NHSL2: variants seen among roughly 807,000 people sequenced by gnomAD.
NHSL2 encodes the protein NHS like 2, also known as NHS-like protein 2.
In NHSL2, 27 loss-of-function variants were observed where a neutral mutation model predicts 53.4. The ratio of observed to expected loss-of-function variants is 0.51; its 90% CI spans 0.37 to 0.70. The LOEUF is 0.70. Ranked by LOEUF, NHSL2 falls within the 30% of genes least tolerant of loss-of-function variation. NHSL2 has a pLI of 0.00. For missense variants in NHSL2, 892 were observed against 980.1 expected, an observed-to-expected ratio of 0.91 and a Z score of 1.20; for synonymous variants, 408 against 404.1, an observed-to-expected ratio of 1.01 and a Z score of -0.12.
chrX:71,999,830 GT>G (rs1178225500), intron 1 of NHSL2, among the ~76,000 whole-genome samples: 1 of 111,835 alleles, frequency 8.9e-6, no homozygotes, highest in Admixed American at 9.5e-5. Flanking sequence ...CTTCTTGGTT[GT>G]TTCACTTTCT....
At chrX:72,114,769 A>G (rs1332220729) in intron 1 of NHSL2, among the ~76,000 whole-genome samples, 1 of 112,514 alleles carries the variant, frequency 8.9e-6, no homozygotes, top group African/African-American at 3.2e-5. Context: ...TTTATCCCTG[A>G]GGTGGAACCT....
chrX:72,149,857 C>T lies in NHSL2; in HGVS notation c.*6283C>T, dbSNP rs917020221. ...AGAGCTGAAAGGGACCAACCTCTCT[C>T]ATTTCACACATGAGGAAGCTGAGGC... On this transcript the variant is annotated 3_prime_UTR_variant, in exon 8 of 8. Transcript: ENST00000633930. The T allele has an allele frequency of 7.1e-5, 8 of 112,229 alleles. No individual in the cohort carries two copies. The highest frequency in any genetic ancestry group is 2.6e-4 in the African/African-American group (8 of 30,908). The allele number at this position is 112,229 out of a possible 1,213,427, so 9.2% of individuals were successfully genotyped here. A position where few individuals can be genotyped will look rare whatever the true frequency, so the allele number is the denominator to read the frequency against.
chrX:71,926,068 T>TG (rs1376729242), intron 1 of NHSL2, among the ~76,000 whole-genome samples: 2 of 111,441 alleles, frequency 1.8e-5, no homozygotes, highest in South Asian at 3.8e-4. Context: ...TTAAAATGTC[T>TG]GGGGGGGCAC....
chrX:72,007,780 C>G (rs1416885568), intron 1 of NHSL2, among the ~76,000 whole-genome samples: 1 of 113,371 alleles, frequency 8.8e-6, no homozygotes, highest in Non-Finnish European at 1.9e-5. Context: ...CATCCTCTCC[C>G]CTTGATGAGC....
intron 1 of NHSL2, 92 bp downstream of exon 1, chrX:71,911,459 C>A: frequency 7.9e-6 from 6 of 760,196 alleles, no homozygotes; most frequent in South Asian, 4.4e-5. Context: ...ACCCTCTCCC[C>A]GCCTCTCTCC....
chrX:71,972,847 C>G (rs1602287655), intron 1 of NHSL2, among the ~76,000 whole-genome samples: 2 of 97,090 alleles, frequency 2.1e-5, no homozygotes, highest in East Asian at 6.6e-4. Context: ...TGAAAAATCT[C>G]TATTGCCTAT....
intron 1 of NHSL2, among the ~76,000 whole-genome samples, chrX:72,101,583 C>T (rs2041994615): frequency 9.0e-6 from 1 of 110,531 alleles, no homozygotes; most frequent in Non-Finnish European, 1.9e-5. Flanking sequence ...TCTCCCCAAG[C>T]TGGCCAGCTA....
intron 1 of NHSL2, among the ~76,000 whole-genome samples, chrX:71,945,359 G>A (rs983686751): frequency 1.8e-5 from 2 of 111,881 alleles, no homozygotes; most frequent in Non-Finnish European, 3.8e-5. Flanking sequence ...CTTCTGTCTC[G>A]CAGCTGACGA....
At chrX:72,136,688 G>A (rs887059829) in intron 4 of NHSL2, among the ~76,000 whole-genome samples, 1 of 111,563 alleles carries the variant, frequency 9.0e-6, no homozygotes, top group African/African-American at 3.3e-5. Context: ...GTCCCAGTCC[G>A]CTGCTCTACA....
intron 1 of NHSL2, among the ~76,000 whole-genome samples, chrX:72,007,900 G>C (rs2042101075): frequency 8.9e-6 from 1 of 112,794 alleles, no homozygotes; most frequent in Admixed American, 9.3e-5. Context: ...AATACCATCA[G>C]TTTTTCCTGG....
chrX:72,124,151 G>C (rs976056043), intron 1 of NHSL2, among the ~76,000 whole-genome samples: 1 of 107,183 alleles, frequency 9.3e-6, no homozygotes, highest in Non-Finnish European at 1.9e-5. Context: ...CATTAAGGGG[G>C]TGGTCTCTTG....
intron 1 of NHSL2, among the ~76,000 whole-genome samples, chrX:71,925,822 T>G (rs191243498): frequency 8.9e-6 from 1 of 112,222 alleles, no homozygotes; most frequent in Non-Finnish European, 1.9e-5. Context: ...GTAAACAATT[T>G]AGAGTTATGG....
rs531464587 is a variant in NHSL2, at chrX:71,953,927, C to G, written c.280+42560C>G. On this transcript the variant is annotated intron_variant, in intron 1 of 7. Coordinates refer to ENST00000633930, the MANE Select transcript of NHSL2 (RefSeq NM_001013627.3). Reference sequence around the variant, plus strand: ...ACCTTCTATCCCCAGCCTGCACCTTCGAGAAAGAGGATTTTTCAAATCTTT... The same window carrying G: ...ACCTTCTATCCCCAGCCTGCACCTTGGAGAAAGAGGATTTTTCAAATCTTT... 4.2e-4 allele frequency among the ~76,000 whole-genome samples: 47 copies of G among 112,332 alleles called. 1 individual carries two copies. The South Asian group carries it at 0.017, about 40-fold the overall frequency.
intron 1 of NHSL2, among the ~76,000 whole-genome samples, chrX:72,085,792 G>A (rs1280367009): frequency 9.6e-6 from 1 of 103,713 alleles, no homozygotes; most frequent in Non-Finnish European, 2.0e-5. Context: ...TTGAGGAGTT[G>A]GGTCCCAGGC....
intron 1 of NHSL2, among the ~76,000 whole-genome samples, chrX:72,059,652 G>A (rs1373233728): frequency 1.8e-5 from 2 of 111,802 alleles, no homozygotes; most frequent in Admixed American, 1.9e-4. Flanking sequence ...CTTCCTCTGA[G>A]GGAAGGAATT....
intron 1 of NHSL2, among the ~76,000 whole-genome samples, chrX:71,987,580 C>T (rs2042008772): frequency 8.9e-6 from 1 of 112,469 alleles, no homozygotes; most frequent in South Asian, 3.6e-4. Flanking sequence ...TTTATTTTAC[C>T]AGTAACCTTT....
intron 1 of NHSL2, among the ~76,000 whole-genome samples, chrX:72,062,418 G>C (rs1488914833): frequency 8.9e-6 from 1 of 112,224 alleles, no homozygotes; most frequent in Non-Finnish European, 1.9e-5. Flanking sequence ...GGGAGTATAG[G>C]CTCAAAAATA....
At position 72,059,219 on chromosome X, in the gene NHSL2, C is replaced by G. The variant is rs746098291; in HGVS notation, c.281-72860C>G. On this transcript the variant is annotated intron_variant, in intron 1 of 7. Transcript: ENST00000633930. The stretch of plus-strand genomic sequence containing the variant: ...CACCACCATGGTCTATTCTCCCTGT[C>G]TGGCCCCACCGCTCCACCCTGAGGC... Among the ~76,000 whole-genome samples, 24 of 111,006 alleles carry G rather than the reference C, an allele frequency of 2.2e-4. No homozygotes were observed. The East Asian group carries it at 6.6e-3, about 30-fold the overall frequency.
intron 1 of NHSL2, among the ~76,000 whole-genome samples, chrX:71,972,649 A>G (rs1485838818): frequency 3.6e-5 from 4 of 111,946 alleles, no homozygotes; most frequent in African/African-American, 6.5e-5. Context: ...TTAGATGTGC[A>G]TATTAATGTT....
Sources: allele counts gnomAD v4.1 joint callset (sites outside exome capture counted in the v4.1 genomes callset), GRCh38; gene constraint gnomAD v4.1.1; transcripts MANE v1.5; gene names NCBI Gene and HGNC (gene_info 2026-07-23, HGNC 2026-07-21).